The following FNDC3B variants were observed in gnomAD, a reference collection of about 807,000 sequenced individuals.
FNDC3B encodes the protein fibronectin type III domain-containing protein 3B.
Under a neutral mutation model 151.5 loss-of-function variants are expected in FNDC3B, and 12 were observed. The ratio of observed to expected loss-of-function variants is 0.08; its 90% CI spans 0.05 to 0.13. The LOEUF (loss-of-function observed/expected upper bound fraction) is 0.13, where lower values mean the gene tolerates loss of function less well. Ranked by LOEUF, FNDC3B falls within the 10% of genes least tolerant of loss-of-function variation. FNDC3B has a pLI of 1.00. For synonymous variants in FNDC3B, 528 were observed against 549.0 expected, an observed-to-expected ratio of 0.96 and a Z score of 0.54; for missense variants, 1,214 against 1,505.3, an observed-to-expected ratio of 0.81 and a Z score of 3.20.
intron 23 of FNDC3B, among the ~76,000 whole-genome samples, chr3:172,368,317 G>A (rs1395085323): frequency 6.6e-6 from 1 of 151,522 alleles, no homozygotes. Context: ...GCACTGAGGA[G>A]GTGTGAGCTT....
intron 18 of FNDC3B, 101 bp from the exon 19 acceptor site, chr3:172,343,985 C>G (rs1415460331): frequency 3.9e-6 from 4 of 1,036,850 alleles, no homozygotes; most frequent in Non-Finnish European, 5.7e-6. Context: ...CTGAGGCCGG[C>G]CACCTATGTG....
At position 172,251,253 on chromosome 3, in the gene FNDC3B, A is replaced by C. The variant is rs371206573; in HGVS notation, c.509-7A>C. 40 of 1,596,862 alleles carry C rather than the reference A, an allele frequency of 2.5e-5. No individual in the cohort carries two copies. Among genetic ancestry groups the C allele is most frequent in the Non-Finnish European group, 3.1e-5 (36 of 1,166,926 alleles). On this transcript the variant is annotated splice_region_variant and splice_polypyrimidine_tract_variant and intron_variant, in intron 5 of 25. Transcript: ENST00000415807. ...GAGTTTGGGTTTATCATAATCATCC[A>C]TTTTAGAAATTATACCATTTTATGG...
intron 25 of FNDC3B, among the ~76,000 whole-genome samples, chr3:172,388,979 A>G (rs1735869432): frequency 2.6e-5 from 4 of 152,110 alleles, no homozygotes. Flanking sequence ...TGAGACTATT[A>G]TTTTCATGTA....
Position 172,330,615 on chromosome 3 carries a change from G to T in FNDC3B, c.1454G>T (p.Arg485Leu). 6.2e-7 allele frequency: 1 copy of T among 1,614,174 alleles called. No individual in the cohort carries two copies. Among genetic ancestry groups the T allele is most frequent in the Non-Finnish European group, 8.5e-7 (1 of 1,180,004 alleles). ...ATGCCTTCTGCACCAAGGCTGGTTCGAGCTGGCATCACATGGGTCACGTTG... is the reference window on the plus strand; with the variant it reads ...ATGCCTTCTGCACCAAGGCTGGTTCTAGCTGGCATCACATGGGTCACGTTG... Reference protein sequence around the residue: ...PQMPSAPRLVRAGITWVTLQW... With the variant: ...PQMPSAPRLVLAGITWVTLQW... The change falls in exon 13 of 26, where the codon CGA becomes CTA. Residue 485 changes from arginine (R) to leucine (L), a missense_variant. Transcript: ENST00000415807.
chr3:172,220,849 T>G (rs1205915509), intron 3 of FNDC3B, among the ~76,000 whole-genome samples: 1 of 152,214 alleles, frequency 6.6e-6, no homozygotes. Context: ...ATCCCAGTAC[T>G]TTGGAGGCCG....
chr3:172,315,616 A>C (rs1279919047), intron 11 of FNDC3B, among the ~76,000 whole-genome samples: 2 of 152,220 alleles, frequency 1.3e-5, no homozygotes, highest in African/African-American at 4.8e-5. Context: ...CATTAGGAGC[A>C]GAAAGGCAGA....
At position 172,401,615 on chromosome 3, in the gene FNDC3B, C is replaced by G. The variant is rs1424936204; in HGVS notation, c.*4140C>G. The G allele has an allele frequency of 6.6e-6, 1 of 152,198 alleles. No homozygotes were observed. The highest frequency in any genetic ancestry group is 1.5e-5 in the Non-Finnish European group (1 of 68,070). The allele number at this position is 152,198 out of a possible 1,614,324, so 9.4% of individuals were successfully genotyped here. A position where few individuals can be genotyped will look rare whatever the true frequency, so the allele number is the denominator to read the frequency against. Reference sequence around the variant, plus strand: ...AGTGTTCATGTCCTTTCCTGCAGGTCTCATTCAACAACAACAACAACAACA... The same window carrying G: ...AGTGTTCATGTCCTTTCCTGCAGGTGTCATTCAACAACAACAACAACAACA... On this transcript the variant is annotated 3_prime_UTR_variant, in exon 26 of 26. Coordinates refer to ENST00000415807, the MANE Select transcript of FNDC3B (RefSeq NM_022763.4).
intron 1 of FNDC3B, among the ~76,000 whole-genome samples, chr3:172,091,909 T>TGTGTGTGTGTGTG (rs71178259): frequency 8.2e-4 from 121 of 148,378 alleles, no homozygotes; most frequent in Middle Eastern, 3.5e-3. Flanking sequence ...TGTGTGTGTG[T>TGTGTGTGTGTGTG]TAGGGAGGTG....
chr3:172,100,693 T>C (rs1167684289), intron 1 of FNDC3B, among the ~76,000 whole-genome samples: 1 of 152,216 alleles, frequency 6.6e-6, no homozygotes, highest in Non-Finnish European at 1.5e-5. Flanking sequence ...TTTCGGTCTC[T>C]TCTGAGCTCT....
At chr3:172,179,639 C>T (rs766017235) in intron 3 of FNDC3B, among the ~76,000 whole-genome samples, 3 of 150,896 alleles carry the variant, frequency 2.0e-5, no homozygotes, top group Admixed American at 1.3e-4. Flanking sequence ...TCCAATACTT[C>T]GATAAGTTAA....
intron 9 of FNDC3B, among the ~76,000 whole-genome samples, chr3:172,300,086 A>G (rs1219467054): frequency 6.6e-6 from 1 of 152,192 alleles, no homozygotes; most frequent in African/African-American, 2.4e-5. Context: ...TTAAATCAAA[A>G]CTTTGGATTT....
intron 1 of FNDC3B, among the ~76,000 whole-genome samples, chr3:172,106,363 G>A (rs937253707): frequency 2.6e-5 from 4 of 152,124 alleles, no homozygotes; most frequent in African/African-American, 4.8e-5. Flanking sequence ...TCTCATTAGG[G>A]TGCTGGTGAA....
chr3:172,317,308 C>T (rs554883477), intron 11 of FNDC3B: 226 of 321,778 alleles, frequency 7.0e-4, no homozygotes, highest in African/African-American at 4.8e-3. Flanking sequence ...CTCAGCCTCC[C>T]GAGTAACTGG....
At chr3:172,151,916 T>C (rs1038005629) in intron 3 of FNDC3B, among the ~76,000 whole-genome samples, 22 of 152,322 alleles carry the variant, frequency 1.4e-4, no homozygotes, top group Non-Finnish European at 3.1e-4. Flanking sequence ...CTTACTGTAT[T>C]TCTCTGGTTT....
Position 172,397,672 on chromosome 3 carries a change from T to A in FNDC3B, c.*197T>A. 3.5e-6 allele frequency: 1 copy of A among 285,358 alleles called. No individual in the cohort carries two copies. The highest frequency in any genetic ancestry group is 5.6e-6 in the Non-Finnish European group (1 of 177,898). The allele number at this position is 285,358 out of a possible 1,614,324, so 17.7% of individuals were successfully genotyped here. A position where few individuals can be genotyped will look rare whatever the true frequency, so the allele number is the denominator to read the frequency against. Reference sequence around the variant, plus strand: ...AGGAAAAGGTTAAACTGGATTTTTTTTTTTAAAAAAAAGAAAAAAAAAGAA... The same window carrying A: ...AGGAAAAGGTTAAACTGGATTTTTTATTTTAAAAAAAAGAAAAAAAAAGAA... On this transcript the variant is annotated 3_prime_UTR_variant, in exon 26 of 26. Coordinates refer to ENST00000415807, the MANE Select transcript of FNDC3B (RefSeq NM_022763.4).
chr3:172,384,744 A>C (rs926242628), intron 25 of FNDC3B, among the ~76,000 whole-genome samples: 1 of 152,254 alleles, frequency 6.6e-6, no homozygotes, highest in Admixed American at 6.5e-5. Flanking sequence ...GAATCTATTC[A>C]GTAATTTAGA....
chr3:172,122,228 G>C (rs906567560), intron 2 of FNDC3B, among the ~76,000 whole-genome samples: 1 of 151,862 alleles, frequency 6.6e-6, no homozygotes, highest in Admixed American at 6.6e-5. Flanking sequence ...AGCAAGCTGC[G>C]TAAAATTCGT....
chr3:172,334,853 G>A (rs1576921855), intron 14 of FNDC3B, 91 bp from the exon 15 acceptor site: 1 of 1,152,992 alleles, frequency 8.7e-7, no homozygotes, highest in African/African-American at 1.6e-5. Context: ...GAGTTTATGG[G>A]TGCCTTAATC....
intron 21 of FNDC3B, among the ~76,000 whole-genome samples, chr3:172,351,437 C>A (rs946882745): frequency 6.6e-6 from 1 of 152,132 alleles, no homozygotes; most frequent in African/African-American, 2.4e-5. Flanking sequence ...GAGTAGCAGG[C>A]AATGAAGTCA....
Sources: allele counts gnomAD v4.1 joint callset (sites outside exome capture counted in the v4.1 genomes callset), GRCh38; gene constraint gnomAD v4.1.1; transcripts MANE v1.5; gene names NCBI Gene and HGNC (gene_info 2026-07-23, HGNC 2026-07-21).